Variants in PDLIM1 observed in about 807,000 individuals in gnomAD.
PDLIM1 encodes the protein PDZ and LIM domain protein 1.
In PDLIM1, 25 loss-of-function variants were observed where a neutral mutation model predicts 35.2. The observed-to-expected ratio is 0.71, with a 90% CI of 0.52 to 0.99. The LOEUF (loss-of-function observed/expected upper bound fraction) is 0.99. Among genes scored for constraint, PDLIM1 ranks in the 50% least tolerant of loss-of-function variants. The pLI is 0.00. For synonymous variants in PDLIM1, 152 were observed against 154.0 expected (o/e 0.99, Z 0.10); for missense variants, 363 against 415.3 (o/e 0.87, Z 1.09).
chr10:95,263,924 T>C lies in PDLIM1; in HGVS notation c.473A>G (p.Asn158Ser), dbSNP rs1164007829. 6.2e-7 allele frequency: 1 copy of C among 1,613,738 alleles called. No individual in the cohort carries two copies. The highest frequency in any genetic ancestry group is 1.7e-5 in the Admixed American group (1 of 59,992). ...CTTTGACTCCAGGGCATTGTTGAAG[T>C]TGGAGATATTTTCAGAAGAGTAGAG... Reference protein sequence around the residue: ...AGLYSSENISNFNNALESKTA... With the variant: ...AGLYSSENISSFNNALESKTA... The change falls in exon 4 of 7, where the codon AAC becomes AGC. Residue 158 changes from asparagine to serine, a missense_variant. Physicochemically the swap from Asn to Ser is conservative, Grantham distance 46. Coordinates refer to ENST00000329399, the MANE Select transcript of PDLIM1 (RefSeq NM_020992.4).
At chr10:95,261,900 C>T (rs558350574) in intron 4 of PDLIM1, among the ~76,000 whole-genome samples, 44 of 151,702 alleles carry the variant, frequency 2.9e-4, no homozygotes, top group African/African-American at 1.0e-3. Flanking sequence ...CCCAGCTACT[C>T]GGGAGGCTGA....
intron 4 of PDLIM1, among the ~76,000 whole-genome samples, chr10:95,254,988 T>C (rs750316475): frequency 1.2e-4 from 18 of 152,112 alleles, no homozygotes; most frequent in Non-Finnish European, 2.4e-4. Flanking sequence ...GAAATAAGGA[T>C]AATAACAGAC....
intron 3 of PDLIM1, among the ~76,000 whole-genome samples, chr10:95,265,580 A>G (rs2035407063): frequency 2.4e-5 from 3 of 123,726 alleles, no homozygotes; most frequent in Admixed American, 8.9e-5. Flanking sequence ...GGGCAACGAG[A>G]GTGGAACTCT....
intron 1 of PDLIM1, among the ~76,000 whole-genome samples, chr10:95,283,657 T>C (rs948810254): frequency 6.6e-6 from 1 of 152,244 alleles, no homozygotes; most frequent in Non-Finnish European, 1.5e-5. Context: ...ATGCTTTCTG[T>C]AGGTTTATAT....
chr10:95,263,089 G>C (rs1318352807), intron 4 of PDLIM1, among the ~76,000 whole-genome samples: 1 of 151,060 alleles, frequency 6.6e-6, no homozygotes, highest in Admixed American at 6.6e-5. Context: ...AGGCTGCAGT[G>C]AGCTGTGATC....
Position 95,290,889 on chromosome 10 carries a change from C to T in PDLIM1, c.27G>A (p.Gln9=). The part of the protein sequence containing the change: MTTQQIDL[Q]GPGPWGFRLV... ...GGCGGAAGCCCCACGGCCCCGGGCC[C>T]TGGAGGTCTATCTGCTGGGTGGTCA... is the stretch of plus-strand genomic sequence containing the variant. The change falls in exon 1 of 7, where the codon CAG becomes CAA. Residue 9 remains glutamine (Q), a synonymous_variant. Transcript: ENST00000329399. The surrounding 1 kb of genome is among the most constrained non-coding windows in gnomAD (Gnocchi z 4.7). 2 of 1,563,154 alleles carry T rather than the reference C, an allele frequency of 1.3e-6. No homozygotes were observed. The highest frequency in any genetic ancestry group is 1.7e-6 in the Non-Finnish European group (2 of 1,154,356).
At chr10:95,286,600 C>G (rs370028636) in intron 1 of PDLIM1, among the ~76,000 whole-genome samples, 1 of 152,194 alleles carries the variant, frequency 6.6e-6, no homozygotes. Flanking sequence ...AAGCTTCCCC[C>G]AGGCTTTCCT....
At chr10:95,250,842 T>G (rs1205430081) in intron 4 of PDLIM1, among the ~76,000 whole-genome samples, 1 of 152,210 alleles carries the variant, frequency 6.6e-6, no homozygotes, top group Non-Finnish European at 1.5e-5. Context: ...AGCTGATGTG[T>G]ATCTGTTTCC....
At chr10:95,269,267 C>T (rs184182286) in intron 2 of PDLIM1, among the ~76,000 whole-genome samples, 1 of 152,276 alleles carries the variant, frequency 6.6e-6, no homozygotes, top group East Asian at 1.9e-4. Flanking sequence ...GCCTGTTTGA[C>T]CCAAATGAAA....
chr10:95,282,010 G>C (rs1485529545), intron 1 of PDLIM1, among the ~76,000 whole-genome samples: 1 of 152,190 alleles, frequency 6.6e-6, no homozygotes, highest in Non-Finnish European at 1.5e-5. Flanking sequence ...GTGTAACTAA[G>C]TGAAAGACAA....
chr10:95,257,511 T>G (rs370217333), intron 4 of PDLIM1, among the ~76,000 whole-genome samples: 2 of 152,096 alleles, frequency 1.3e-5, no homozygotes, highest in Admixed American at 1.3e-4. Flanking sequence ...AGGATTTGAA[T>G]AGACATTTAG....
rs2035638438 is a variant in PDLIM1, at chr10:95,290,037, G to T, written c.96+783C>A. On this transcript the variant is annotated intron_variant, in intron 1 of 6. Transcript: ENST00000329399. The surrounding 1 kb of genome is among the most constrained non-coding windows in gnomAD (Gnocchi z 4.7). The stretch of plus-strand genomic sequence containing the variant: ...TGGTTCTGGTGGCCCCTGATTCAAC[G>T]TGAGTCCTTCTAAAGATCCGAAGCC... Among the ~76,000 whole-genome samples the T allele has an allele frequency of 6.6e-6, 1 of 152,188 alleles. No homozygotes were observed. Among genetic ancestry groups the T allele is most frequent in the Non-Finnish European group, 1.5e-5 (1 of 68,034 alleles).
At chr10:95,252,152 GC>G (rs1021120813) in intron 4 of PDLIM1, among the ~76,000 whole-genome samples, 40 of 152,280 alleles carry the variant, frequency 2.6e-4, no homozygotes, top group Admixed American at 2.6e-3. Flanking sequence ...TTCAGAGAAA[GC>G]CCAATAGAGA....
intron 1 of PDLIM1, among the ~76,000 whole-genome samples, chr10:95,280,322 C>T (rs991299654): frequency 1.3e-5 from 2 of 152,120 alleles, no homozygotes; most frequent in African/African-American, 4.8e-5. Flanking sequence ...TTGCAATGAG[C>T]CAAGATCACC....
intron 3 of PDLIM1, among the ~76,000 whole-genome samples, chr10:95,265,431 C>T (rs577806165): frequency 1.3e-5 from 2 of 151,642 alleles, no homozygotes; most frequent in East Asian, 3.9e-4. Flanking sequence ...CTCATCTCTA[C>T]TAAAAATACA....
intron 5 of PDLIM1, among the ~76,000 whole-genome samples, chr10:95,242,348 T>C (rs2035185899): frequency 6.6e-6 from 1 of 152,200 alleles, no homozygotes; most frequent in East Asian, 1.9e-4. Flanking sequence ...CATTTAAATG[T>C]CATTTTTTTT....
intron 4 of PDLIM1, among the ~76,000 whole-genome samples, chr10:95,255,015 A>G (rs2035297904): frequency 6.6e-6 from 1 of 152,192 alleles, no homozygotes; most frequent in Non-Finnish European, 1.5e-5. Context: ...GAACAATTAT[A>G]CATTAACAAA....
intron 4 of PDLIM1, among the ~76,000 whole-genome samples, chr10:95,262,059 G>T (rs2035368258): frequency 6.6e-6 from 1 of 151,946 alleles, no homozygotes; most frequent in Admixed American, 6.6e-5. Flanking sequence ...TCAGTGTCAG[G>T]CACAGGGAAC....
chr10:95,287,337 C>T (rs949410573), intron 1 of PDLIM1, among the ~76,000 whole-genome samples: 2 of 152,106 alleles, frequency 1.3e-5, no homozygotes, highest in African/African-American at 2.4e-5. Flanking sequence ...TATCTGAATC[C>T]GGAAATACCA....
Sources: gnomAD v4.1 joint callset for allele counts (sites outside exome capture counted in the v4.1 genomes callset) on GRCh38, gnomAD v4.1.1 for gene constraint, Gnocchi (gnomAD v3.1) non-coding constraint, MANE v1.5 for transcripts, NCBI Gene and HGNC (gene_info 2026-07-23, HGNC 2026-07-21) for gene names.